The following CHD9 variants were observed in gnomAD, a reference collection of about 807,000 sequenced individuals.
The protein encoded by CHD9 is ATP-dependent chromatin remodeler CHD9.
A neutral mutation model predicts 316.1 loss-of-function variants in CHD9; 77 were observed. That is an observed-to-expected ratio of 0.24 (90% CI 0.20 to 0.29). The LOEUF is 0.29. Among genes scored for constraint, CHD9 ranks in the 10% least tolerant of loss-of-function variants. CHD9 has a pLI of 1.00. For missense variants in CHD9, 2,763 were observed against 3,438.1 expected (o/e 0.80, Z 4.91); for synonymous variants, 1,129 against 1,158.3 (o/e 0.97, Z 0.51).
intron 3 of CHD9, among the ~76,000 whole-genome samples, chr16:53,214,915 C>CTT (rs71143973): frequency 1.9e-4 from 23 of 123,404 alleles, no homozygotes; most frequent in Non-Finnish European, 3.1e-4. Context: ...CAATATATAT[C>CTT]TTTTTTTTTT....
intron 1 of CHD9, among the ~76,000 whole-genome samples, chr16:53,059,334 TG>T (rs11318412): frequency 0.044 from 6,764 of 152,286 alleles, 155 homozygotes; most frequent in African/African-American, 0.063. Context: ...CTGGGCACAG[TG>T]GCATATGCCT....
At chr16:53,226,166 G>A (rs1187534599) in intron 4 of CHD9, among the ~76,000 whole-genome samples, 200 bp from the exon 5 acceptor site, 1 of 152,026 alleles carries the variant, frequency 6.6e-6, no homozygotes, top group African/African-American at 2.4e-5. Context: ...GTAGGAAGTA[G>A]AACTGTAGGA....
chr16:53,145,253 A>G (rs1597142879), intron 1 of CHD9, among the ~76,000 whole-genome samples: 1 of 150,810 alleles, frequency 6.6e-6, no homozygotes, highest in East Asian at 2.1e-4. Context: ...CCGGGTTCAA[A>G]TGATTCTCCT....
chr16:53,122,204 G>T (rs2038770819), intron 1 of CHD9: 1 of 152,078 alleles, frequency 6.6e-6, no homozygotes, highest in African/African-American at 2.4e-5. Context: ...TTTATTATAT[G>T]TTTATTATTC....
At chr16:53,287,759 G>A (rs2054007886) in intron 26 of CHD9, among the ~76,000 whole-genome samples, 198 bp from the exon 27 acceptor site, 2 of 152,164 alleles carry the variant, frequency 1.3e-5, no homozygotes, top group African/African-American at 2.4e-5. Context: ...GAACTTGTGA[G>A]TAAGGGTACA....
chr16:53,286,381 T>C (rs745471368), intron 26 of CHD9, 38 bp downstream of exon 26: 6 of 1,037,802 alleles, frequency 5.8e-6, no homozygotes, highest in Non-Finnish European at 9.0e-6. Context: ...TCTATATATC[T>C]CTCTTCTATT....
intron 1 of CHD9, among the ~76,000 whole-genome samples, chr16:53,148,636 A>T (rs935442218): frequency 2.6e-5 from 4 of 152,280 alleles, no homozygotes; most frequent in Middle Eastern, 3.4e-3. Context: ...ACATTCCTGT[A>T]TCTTTTTTGA....
At chr16:53,111,101 C>T (rs11645161) in intron 1 of CHD9, among the ~76,000 whole-genome samples, 41,451 of 152,072 alleles carry the variant, frequency 0.27, 7,072 homozygotes, top group Non-Finnish European at 0.38. Flanking sequence ...AAGTGAGACT[C>T]ATAGGCCTGG....
intron 2 of CHD9, among the ~76,000 whole-genome samples, chr16:53,191,085 C>T (rs997699599): frequency 5.9e-5 from 9 of 151,956 alleles, no homozygotes; most frequent in African/African-American, 2.2e-4. Flanking sequence ...TTCCTTATGC[C>T]CCATTGCAGG....
rs1319284818 is a variant in CHD9, at chr16:53,245,478, A to T, written c.3197A>T (p.Gln1066Leu). The T allele has an allele frequency of 1.3e-6, 2 of 1,588,356 alleles. No individual in the cohort carries two copies. Among genetic ancestry groups the T allele is most frequent in the Admixed American group, 3.8e-5 (2 of 53,058 alleles). The change falls in exon 14 of 39, where the codon CAG (glutamine) becomes CTG (leucine). Residue 1066 changes from glutamine (Q) to leucine (L), a missense_variant and splice_region_variant. This residue lies in a region of CHD9 where 155 missense variants were observed against 291.8 expected (regional missense o/e 0.53). Transcript: ENST00000447540. This position sits in a 1 kb window ranked among gnomAD's most constrained non-coding sequence, Gnocchi z 4.1. ...QEFGDLKTEE[Q>L]VQKLQAILKP... The stretch of plus-strand genomic sequence containing the variant: ...TTTGGGGATCTGAAAACAGAGGAAC[A>T]GGTATCCTATTGCTCTTTGTAAATA...
intron 3 of CHD9, among the ~76,000 whole-genome samples, chr16:53,220,378 C>T (rs955348604): frequency 2.0e-5 from 3 of 152,148 alleles, no homozygotes; most frequent in African/African-American, 7.2e-5. Context: ...GAAGTCTAGT[C>T]ATCCAGTCAA....
At chr16:53,165,258 T>C (rs1241945778) in intron 2 of CHD9, among the ~76,000 whole-genome samples, 1 of 152,186 alleles carries the variant, frequency 6.6e-6, no homozygotes, top group East Asian at 1.9e-4. Context: ...GGTTGTAATT[T>C]TAGGTTTTAT....
chr16:53,213,649 A>G (rs2046506330), intron 3 of CHD9, among the ~76,000 whole-genome samples: 1 of 152,210 alleles, frequency 6.6e-6, no homozygotes, highest in African/African-American at 2.4e-5. Context: ...TAGGACTTCC[A>G]GTAGAATTTT....
chr16:53,220,949 C>T (rs2047183407), intron 3 of CHD9, among the ~76,000 whole-genome samples: 1 of 152,110 alleles, frequency 6.6e-6, no homozygotes, highest in Admixed American at 6.5e-5. Context: ...CTGTAAAGCC[C>T]CCTTTACTCT....
intron 19 of CHD9, among the ~76,000 whole-genome samples, chr16:53,261,027 C>T (rs1219538356): frequency 6.7e-6 from 1 of 148,616 alleles, no homozygotes; most frequent in Non-Finnish European, 1.5e-5. Flanking sequence ...TTATCACATT[C>T]ATCAGTTCAA....
chr16:53,177,582 C>T (rs2152798967), intron 2 of CHD9, among the ~76,000 whole-genome samples: 1 of 152,236 alleles, frequency 6.6e-6, no homozygotes, highest in East Asian at 1.9e-4. Context: ...GTGGCATAAT[C>T]CAAAGAGGTT....
intron 2 of CHD9, among the ~76,000 whole-genome samples, chr16:53,171,871 C>T (rs796765117): frequency 1.3e-5 from 1 of 77,680 alleles, no homozygotes; most frequent in African/African-American, 4.9e-5. Flanking sequence ...GACACACACA[C>T]ACACACACAC....
chr16:53,229,928 CAAAA>C (rs2048021471), intron 8 of CHD9, among the ~76,000 whole-genome samples: 1 of 152,078 alleles, frequency 6.6e-6, no homozygotes, highest in Non-Finnish European at 1.5e-5. Flanking sequence ...GTTTTTATAA[CAAAA>C]AGAGAGTGTG....
At chr16:53,084,050 C>T (rs570821165) in intron 1 of CHD9, among the ~76,000 whole-genome samples, 46 of 152,078 alleles carry the variant, frequency 3.0e-4, no homozygotes, top group African/African-American at 1.1e-3. Flanking sequence ...CGCACCCAGC[C>T]CTGACTAATT....
Sources: gnomAD v4.1 joint callset for allele counts (sites outside exome capture counted in the v4.1 genomes callset) on GRCh38, gnomAD v4.1.1 for gene constraint, gnomAD v4.1.1 regional missense constraint, Gnocchi (gnomAD v3.1) non-coding constraint, MANE v1.5 for transcripts, NCBI Gene and HGNC (gene_info 2026-07-23, HGNC 2026-07-21) for gene names.